The following FGF23 variants were observed in gnomAD, a reference collection of about 807,000 sequenced individuals.
FGF23 encodes fibroblast growth factor 23.
FGF23 carries 8 observed loss-of-function variants against 9.0 expected under a neutral mutation model. That is an observed-to-expected ratio of 0.89 (90% confidence interval 0.52 to 1.60). The LOEUF (loss-of-function observed/expected upper bound fraction) is 1.60. FGF23 is among the 40% of genes most tolerant of loss of function. The pLI is 0.00. For synonymous variants in FGF23, 118 were observed against 146.2 expected, an observed-to-expected ratio of 0.81 and a Z score of 1.39; for missense variants, 311 against 344.3, an observed-to-expected ratio of 0.90 and a Z score of 0.77.
At chr12:4,373,153 G>A (rs1222471267) in intron 1 of FGF23, among the ~76,000 whole-genome samples, 1 of 152,194 alleles carries the variant, frequency 6.6e-6, no homozygotes, top group Non-Finnish European at 1.5e-5. Context: ...CCTCCTGGAT[G>A]TCTGTGTAAT....
chr12:4,377,524 G>A (rs932235858), intron 1 of FGF23, among the ~76,000 whole-genome samples: 12 of 122,646 alleles, frequency 9.8e-5, no homozygotes, highest in South Asian at 3.1e-4. Context: ...TCTGCCTCCC[G>A]GGTTCACGCC....
Position 4,370,709 on chromosome 12 carries a change from A to G in FGF23, c.390T>C (p.Pro130=). ...CCAGACTGACCAGGAAGTGATACTG[A>G]GGAGAGTGGTAGACGTCGTACCCGT... ...LENGYDVYHS[P]QYHFLVSLGR... The change falls in exon 3 of 3, where the codon CCT becomes CCC. Residue 130 remains proline, a synonymous_variant. Transcript: ENST00000237837. 6.2e-7 allele frequency: 1 copy of G among 1,614,066 alleles called. No individual in the cohort carries two copies. Among genetic ancestry groups the G allele is most frequent in the Non-Finnish European group, 8.5e-7 (1 of 1,179,984 alleles).
At chr12:4,377,448 T>TTTTGGG (rs1865129360) in intron 1 of FGF23, among the ~76,000 whole-genome samples, 1 of 139,234 alleles carries the variant, frequency 7.2e-6, no homozygotes, top group Non-Finnish European at 1.5e-5. Context: ...TTTTTTTTTT[T>TTTTGGG]GAGATGGAGT....
chr12:4,371,558 G>A (rs1865063757), intron 2 of FGF23, among the ~76,000 whole-genome samples: 1 of 152,168 alleles, frequency 6.6e-6, no homozygotes. Flanking sequence ...GAGATAAGCA[G>A]TCCTACTATT....
chr12:4,375,552 T>C (rs1376403640), intron 1 of FGF23, among the ~76,000 whole-genome samples: 1 of 152,186 alleles, frequency 6.6e-6, no homozygotes, highest in Admixed American at 6.5e-5. Flanking sequence ...GAACAAACCA[T>C]GGACTGCCGG....
At position 4,370,002 on chromosome 12, in the gene FGF23, T is replaced by TTA. The variant is rs1865043051; in HGVS notation, c.*340_*341insTA. 2.4e-5 allele frequency: 2 copies of TTA among 84,664 alleles called. No individual in the cohort carries two copies. Among genetic ancestry groups the TTA allele is most frequent in the African/African-American group, 8.9e-5 (2 of 22,386 alleles). 5.2% of individuals were successfully genotyped at this position (84,664 alleles called of 1,614,324 possible). On this transcript the variant is annotated 3_prime_UTR_variant, in exon 3 of 3. Transcript: ENST00000237837. ...TTTTTTTTTTTTTTTTTTTTTTTTT[T>TTA]ATGCTTAAAAGTGATAAAGAGGAGA...
Position 4,369,060 on chromosome 12 carries a change from C to T in FGF23, c.*1283G>A. The T allele has an allele frequency of 8.8e-6, 2 of 228,092 alleles. No homozygotes were observed. The highest frequency in any genetic ancestry group is 1.7e-5 in the Non-Finnish European group (2 of 114,912). The allele number at this position is 228,092 out of a possible 1,614,324, so 14.1% of individuals were successfully genotyped here. On this transcript the variant is annotated 3_prime_UTR_variant, in exon 3 of 3. Coordinates refer to ENST00000237837, the MANE Select transcript of FGF23 (RefSeq NM_020638.3). ...TGGAGCCCCCTTACAGGAAGAACCGCAGTAATGGGGTAAGGCTTCATTTAA... is the reference window on the plus strand; with the variant it reads ...TGGAGCCCCCTTACAGGAAGAACCGTAGTAATGGGGTAAGGCTTCATTTAA...
intron 2 of FGF23, among the ~76,000 whole-genome samples, 194 bp from the exon 3 acceptor site, chr12:4,370,977 C>T (rs1206859788): frequency 6.6e-6 from 1 of 152,142 alleles, no homozygotes; most frequent in African/African-American, 2.4e-5. Context: ...CTATATAGTT[C>T]GCCCTTTCAG....
intron 1 of FGF23, among the ~76,000 whole-genome samples, chr12:4,372,966 T>G (rs916121340): frequency 6.6e-6 from 1 of 152,242 alleles, no homozygotes; most frequent in Admixed American, 6.5e-5. Context: ...CTTCTACCTG[T>G]GCTGAACACA....
In FGF23 at chr12:4,377,150, G is replaced by A. The variant is rs140090493; in HGVS notation, c.211+2222C>T. ...TCAGTGATCCCTTGGGGCCTGATAC[G>A]AGGTGGGCTTTCAAGGAAAAGGTCT... On this transcript the variant is annotated intron_variant, in intron 1 of 2. Coordinates refer to ENST00000237837, the MANE Select transcript of FGF23 (RefSeq NM_020638.3). Among the ~76,000 whole-genome samples, 1,518 of 152,192 alleles carry A rather than the reference G, an allele frequency of 1.0e-2. 24 individuals are homozygous for A. The highest frequency in any genetic ancestry group is 0.035 in the African/African-American group (1,450 of 41,518).
chr12:4,372,640 C>T lies in FGF23; in HGVS notation c.269G>A (p.Ser90Asn), dbSNP rs1268048694. The change falls in exon 2 of 3, where the codon AGC becomes AAC. Residue 90 changes from serine to asparagine, a missense_variant. Ser to Asn is a conservative substitution (Grantham distance 46). Around this residue, in one of 3 missense-constraint regions of FGF23, gnomAD observed 3 missense variants for 17.0 expected, o/e 0.18. Transcript: ENST00000237837. ...GAAATCCATGCAGAGGTATCTTCTG[C>T]TCATCACACCTGTAATCACCACAAA... ...AGFVVITGVM[S>N]RRYLCMDFRG... is the part of the protein sequence containing the mutation. 1 of 1,613,760 alleles carries T rather than the reference C, an allele frequency of 6.2e-7. No homozygotes were observed. The highest frequency in any genetic ancestry group is 1.3e-5 in the African/African-American group (1 of 75,036).
Position 4,370,124 on chromosome 12 carries a change from A to C in FGF23, c.*219T>G, listed in dbSNP as rs1865044755. On this transcript the variant is annotated 3_prime_UTR_variant, in exon 3 of 3. Coordinates refer to ENST00000237837, the MANE Select transcript of FGF23 (RefSeq NM_020638.3). ...ACCTGTTGGGGTTTCCTATTGGGAA[A>C]GGTGTTCTATATGGAGTGAGGAAGG... 3 of 557,102 alleles carry C rather than the reference A, an allele frequency of 5.4e-6. No homozygotes were observed. Among genetic ancestry groups the C allele is most frequent in the Non-Finnish European group, 9.5e-6 (3 of 314,208 alleles). The allele number at this position is 557,102 out of a possible 1,614,324, so 34.5% of individuals were successfully genotyped here. A position where few individuals can be genotyped will look rare whatever the true frequency, so the allele number is the denominator to read the frequency against.
In FGF23 at chr12:4,370,494, G is replaced by A. The variant is rs533026808; in HGVS notation, c.605C>T (p.Ala202Val). The A allele has an allele frequency of 6.0e-5, 97 of 1,611,648 alleles. No individual in the cohort carries two copies. Among genetic ancestry groups the A allele is most frequent in the Non-Finnish European group, 7.1e-5 (84 of 1,178,428 alleles). Residue 202 changes from alanine to valine, a missense_variant, in exon 3 of 3, where the codon GCC becomes GTC. Transcript: ENST00000237837. The part of the protein sequence containing the change: ...VLKPRARMTP[A>V]PASCSQELPS... ...GAGCTCCTGTGAACAGGAGGCCGGG[G>A]CCGGGGTCATCCGGGCCCGGGGCTT...
rs559777258 is a variant in FGF23, at chr12:4,370,792, A to G, written c.316-9T>C. 3.0e-5 allele frequency: 49 copies of G among 1,613,440 alleles called. 1 individual carries two copies. The South Asian group carries it at 5.1e-4, about 17-fold the overall frequency. On this transcript the variant is annotated splice_polypyrimidine_tract_variant and intron_variant, in intron 2 of 2. Coordinates refer to ENST00000237837, the MANE Select transcript of FGF23 (RefSeq NM_020638.3). The stretch of plus-strand genomic sequence containing the variant: ...TCCGGGTCGAAATAGTGCTGGAAGG[A>G]CAAGAGCGAACCACGTGAAGGCTGG...
intron 1 of FGF23, among the ~76,000 whole-genome samples, chr12:4,376,823 T>C (rs2120741544): frequency 6.6e-6 from 1 of 152,244 alleles, no homozygotes. Context: ...CTGGCCTCTT[T>C]TGGGTAACTT....
rs201571021 is a variant in FGF23 at position 4,379,570 on chromosome 12, G to C, written c.13C>G (p.Arg5Gly). Residue 5 changes from arginine to glycine, a missense_variant, in exon 1 of 3, where the codon CGC becomes GGC. By Grantham distance (125) the Arg-to-Gly change is moderately radical (BLOSUM62 -2). This residue lies in a region of FGF23 where 102 missense variants were observed against 108.2 expected (regional missense o/e 0.94). Transcript: ENST00000237837. Reference sequence around the variant, plus strand: ...AAGGCACAGACCCAGAGCCTGAGGCGGGCCCCCAACATCGTGCCCTGCTCT... The same window carrying C: ...AAGGCACAGACCCAGAGCCTGAGGCCGGCCCCCAACATCGTGCCCTGCTCT... MLGA[R>G]LRLWVCALCS... 6 of 1,604,056 alleles carry C rather than the reference G, an allele frequency of 3.7e-6. No homozygotes were observed.
At chr12:4,372,786 C>T (rs887150088) in intron 1 of FGF23, 89 bp from the exon 2 acceptor site, 1 of 839,438 alleles carries the variant, frequency 1.2e-6, no homozygotes, top group Non-Finnish European at 2.1e-6. Flanking sequence ...CATGAAACCT[C>T]CCTGGATTGA....
rs759935544 is a variant in FGF23 at position 4,372,740 on chromosome 12, A to T, written c.212-43T>A. 3.1e-6 allele frequency: 4 copies of T among 1,286,854 alleles called. No individual in the cohort carries two copies. The Admixed American group carries it at 6.7e-5, about 22-fold the overall frequency. 79.7% of individuals were successfully genotyped at this position (1,286,854 alleles called of 1,614,324 possible). A position where few individuals can be genotyped will look rare whatever the true frequency, so the allele number is the denominator to read the frequency against. ...CAGGGCAAAGACTCATTGCCATCCA[A>T]TTCCCACCTTCAAGCACCTCCTGAA... On this transcript the variant is annotated intron_variant, in intron 1 of 2. Transcript: ENST00000237837.
At chr12:4,374,210 A>G (rs1008016995) in intron 1 of FGF23, among the ~76,000 whole-genome samples, 4 of 152,166 alleles carry the variant, frequency 2.6e-5, no homozygotes, top group African/African-American at 7.2e-5. Context: ...GCTGAGGGGA[A>G]CCTTGAGGAA....
Sources: allele counts gnomAD v4.1 joint callset (sites outside exome capture counted in the v4.1 genomes callset), GRCh38; gene constraint gnomAD v4.1.1; regional missense constraint gnomAD v4.1.1; transcripts MANE v1.5; gene names NCBI Gene and HGNC (gene_info 2026-07-23, HGNC 2026-07-21).